Variants in SH3PXD2B observed in about 807,000 individuals in gnomAD.
SH3PXD2B encodes SH3 and PX domains 2B.
In SH3PXD2B, 37 loss-of-function variants were observed where a neutral mutation model predicts 73.1. That is an observed-to-expected ratio of 0.51 (90% CI 0.39 to 0.67). SH3PXD2B has a LOEUF of 0.67. Among genes scored for constraint, SH3PXD2B ranks in the 30% least tolerant of loss-of-function variants. The pLI, the probability that SH3PXD2B is intolerant of heterozygous loss-of-function variation, is 0.00. For missense variants in SH3PXD2B, 1,053 were observed against 1,197.8 expected (o/e 0.88, Z 1.78); for synonymous variants, 457 against 480.5 (o/e 0.95, Z 0.64).
chr5:172,391,515 T>C (rs1211654796), intron 4 of SH3PXD2B, among the ~76,000 whole-genome samples: 1 of 152,218 alleles, frequency 6.6e-6, no homozygotes, highest in Non-Finnish European at 1.5e-5. Flanking sequence ...CAGGCTGGAG[T>C]GCAGTGGCAC....
At chr5:172,360,786 C>T (rs958557006) in intron 7 of SH3PXD2B, among the ~76,000 whole-genome samples, 13 of 152,150 alleles carry the variant, frequency 8.5e-5, no homozygotes, top group Admixed American at 1.3e-4. Flanking sequence ...GAGCCAAGAT[C>T]GTGCCACTGC....
chr5:172,350,172 C>CA (rs956878383), intron 10 of SH3PXD2B, among the ~76,000 whole-genome samples, 191 bp downstream of exon 10: 7 of 152,168 alleles, frequency 4.6e-5, no homozygotes, highest in Admixed American at 3.9e-4. Flanking sequence ...CCTCTTGACT[C>CA]AGATTCTGCA....
rs1756748967 is a variant in SH3PXD2B at position 172,338,208 on chromosome 5, G to A, written c.*161C>T. The A allele has an allele frequency of 1.3e-6, 2 of 1,522,280 alleles. No homozygotes were observed. The highest frequency in any genetic ancestry group is 2.1e-5 in the Admixed American group (1 of 48,484). The allele number at this position is 1,522,280 out of a possible 1,614,324, so 94.3% of individuals were successfully genotyped here. A position where few individuals can be genotyped will look rare whatever the true frequency, so the allele number is the denominator to read the frequency against. ...GATCAGGCCCAGGGGCGCCCGAGGTGTCCGAAACTCACTCTCCACCCATGG... is the reference window on the plus strand; with the variant it reads ...GATCAGGCCCAGGGGCGCCCGAGGTATCCGAAACTCACTCTCCACCCATGG... On this transcript the variant is annotated 3_prime_UTR_variant, in exon 13 of 13. Transcript: ENST00000311601. This position sits in a 1 kb window ranked among gnomAD's most constrained non-coding sequence, Gnocchi z 5.1.
At chr5:172,329,533 T>C (rs1472219242), downstream of SH3PXD2B, among the ~76,000 whole-genome samples, 1 of 108,684 alleles carries the variant, frequency 9.2e-6, no homozygotes, top group Non-Finnish European at 2.0e-5. Context: ...CCTGGATCTT[T>C]GTTATTCTTT....
rs116191305 is a variant in SH3PXD2B, at chr5:172,363,269, T to A, written c.428-400A>T. Among the ~76,000 whole-genome samples the A allele has an allele frequency of 5.8e-3, 876 of 152,186 alleles. 9 individuals carry two copies. The highest frequency in any genetic ancestry group is 0.02 in the African/African-American group (830 of 41,502). On this transcript the variant is annotated intron_variant, in intron 6 of 12. Transcript: ENST00000311601. ...CAACCATCTATCCACTCATGATATATCAAATTAAACACCATCATCCATCAA... is the reference window on the plus strand; with the variant it reads ...CAACCATCTATCCACTCATGATATAACAAATTAAACACCATCATCCATCAA...
At chr5:172,389,641 AC>A (rs1172939585) in intron 4 of SH3PXD2B, among the ~76,000 whole-genome samples, 1 of 151,512 alleles carries the variant, frequency 6.6e-6, no homozygotes, top group Non-Finnish European at 1.5e-5. Flanking sequence ...TGGGAGGATC[AC>A]TTGAGCCTAG....
In SH3PXD2B at chr5:172,348,646, CTATCTATCCTAT is replaced by C. The variant is rs1561896473; in HGVS notation, c.1013-1326_1013-1315del. On this transcript the variant is annotated intron_variant, in intron 10 of 12. Transcript: ENST00000311601. ...TCTATGTATCTATCTATGTATCTATCTATCTATCCTATCTATCTATCTATCTATCTATCTATC... is the reference window on the plus strand; with the variant it reads ...TCTATGTATCTATCTATGTATCTATCCTATCTATCTATCTATCTATCTATC... Among the ~76,000 whole-genome samples the C allele has an allele frequency of 4.6e-4, 28 of 61,388 alleles. No individual in the cohort carries two copies. In the East Asian group the frequency reaches 0.018, roughly 38 times the overall value. The allele number at this position is 61,388 out of a possible 152,430, so 40.3% of individuals were successfully genotyped here. A position where few individuals can be genotyped will look rare whatever the true frequency, so the allele number is the denominator to read the frequency against.
At chr5:172,388,406 C>A (rs1242406731) in intron 4 of SH3PXD2B, among the ~76,000 whole-genome samples, 1 of 152,170 alleles carries the variant, frequency 6.6e-6, no homozygotes, top group Admixed American at 6.5e-5. Context: ...ATCATTTCAT[C>A]AGTTCCCTTG....
chr5:172,451,747 G>A (rs2731694), intron 1 of SH3PXD2B, among the ~76,000 whole-genome samples: 44,598 of 152,106 alleles, frequency 0.29, 6,814 homozygotes, highest in Non-Finnish European at 0.35. Context: ...CTGCCTTCAT[G>A]CCCGCTCTTT....
intron 6 of SH3PXD2B, among the ~76,000 whole-genome samples, chr5:172,369,604 C>T (rs553551463): frequency 1.3e-5 from 2 of 152,244 alleles, no homozygotes; most frequent in African/African-American, 4.8e-5. Context: ...CCCGTCTGTA[C>T]TAAACATGCA....
intron 1 of SH3PXD2B, among the ~76,000 whole-genome samples, chr5:172,428,322 C>G (rs1467648951): frequency 6.6e-6 from 1 of 152,192 alleles, no homozygotes; most frequent in Admixed American, 6.5e-5. Context: ...GGCAAGGAAG[C>G]ACATGAAATA....
intron 8 of SH3PXD2B, 120 bp from the exon 9 acceptor site, chr5:172,354,125 C>A: frequency 2.1e-6 from 2 of 945,276 alleles, no homozygotes; most frequent in African/African-American, 1.6e-5. Flanking sequence ...TCTGGGCACC[C>A]CCCCTGGCCC....
At position 172,416,690 on chromosome 5, in the gene SH3PXD2B, CTCTCTCTTTTTTTTTTTTTTT is replaced by C. The variant is rs1346397323; in HGVS notation, c.156+5705_156+5725del. Among the ~76,000 whole-genome samples the C allele has an allele frequency of 1.6e-4, 15 of 95,162 alleles. 1 individual carries two copies. Among genetic ancestry groups the C allele is most frequent in the Admixed American group, 1.5e-3 (13 of 8,546 alleles). 62.4% of individuals were successfully genotyped at this position (95,162 alleles called of 152,430 possible). ...ATAGAGACTGTGAGTCTCTCTCTCT[CTCTCTCTTTTTTTTTTTTTTT>C]TTTTTTTTTTTTTTTGATATAGGGT... On this transcript the variant is annotated intron_variant, in intron 2 of 12. Transcript: ENST00000311601.
chr5:172,408,959 A>G (rs1162931199), intron 2 of SH3PXD2B, among the ~76,000 whole-genome samples: 1 of 152,242 alleles, frequency 6.6e-6, no homozygotes, highest in East Asian at 1.9e-4. Context: ...TCAGATCAGC[A>G]TATTTACACA....
At chr5:172,357,500 T>G (rs1317450036) in intron 8 of SH3PXD2B, among the ~76,000 whole-genome samples, 1 of 152,002 alleles carries the variant, frequency 6.6e-6, no homozygotes, top group Non-Finnish European at 1.5e-5. Flanking sequence ...GTGGTCTCGC[T>G]CCCATCTTCT....
At chr5:172,385,267 C>A (rs1403762286) in intron 4 of SH3PXD2B, among the ~76,000 whole-genome samples, 1 of 152,142 alleles carries the variant, frequency 6.6e-6, no homozygotes, top group Non-Finnish European at 1.5e-5. Flanking sequence ...GTGCAAATAT[C>A]TTGTGGCTTC....
chr5:172,436,892 G>A (rs1759400966), intron 1 of SH3PXD2B, among the ~76,000 whole-genome samples: 1 of 152,212 alleles, frequency 6.6e-6, no homozygotes, highest in Non-Finnish European at 1.5e-5. Flanking sequence ...TTCCTGTAGA[G>A]AAGGGTTCAG....
intron 6 of SH3PXD2B, among the ~76,000 whole-genome samples, chr5:172,371,350 C>A (rs1017766724): frequency 6.6e-6 from 1 of 152,148 alleles, no homozygotes; most frequent in Non-Finnish European, 1.5e-5. Context: ...GCAGGATGAG[C>A]AGAATTTGAG....
At chr5:172,326,885 C>G (rs1756455634) in intron 12 of SH3PXD2B, among the ~76,000 whole-genome samples, 1 of 133,960 alleles carries the variant, frequency 7.5e-6, no homozygotes, top group Non-Finnish European at 1.5e-5. Context: ...GCGACAGAGT[C>G]TCACTCTGTC....
Sources: allele counts gnomAD v4.1 joint callset (sites outside exome capture counted in the v4.1 genomes callset), GRCh38; gene constraint gnomAD v4.1.1; non-coding constraint Gnocchi (gnomAD v3.1); transcripts MANE v1.5; gene names NCBI Gene and HGNC (gene_info 2026-07-23, HGNC 2026-07-21).